RBFOX1: variants seen among roughly 807,000 people sequenced by gnomAD.
RBFOX1 encodes the protein RNA binding fox-1 homolog 1.
Under a neutral mutation model 57.7 loss-of-function variants are expected in RBFOX1, and 8 were observed. The ratio of observed to expected loss-of-function variants is 0.14; its 90% CI spans 0.08 to 0.25. The LOEUF (loss-of-function observed/expected upper bound fraction) is 0.25, where lower values mean the gene tolerates loss of function less well. Ranked by LOEUF, RBFOX1 falls within the 10% of genes least tolerant of loss-of-function variation. The pLI is 1.00. For synonymous variants in RBFOX1, 326 were observed against 222.4 expected, an observed-to-expected ratio of 1.47 and a Z score of -4.15; for missense variants, 611 against 548.5, an observed-to-expected ratio of 1.11 and a Z score of -1.14.
intron 2 of RBFOX1, among the ~76,000 whole-genome samples, chr16:6,427,714 G>A (rs894013937): frequency 3.9e-5 from 6 of 152,158 alleles, no homozygotes; most frequent in South Asian, 2.1e-4. Context: ...CTGCCATGAT[G>A]TGATATGATT....
chr16:5,241,614 C>G (rs1207788024), intron 1 of RBFOX1, among the ~76,000 whole-genome samples: 1 of 152,190 alleles, frequency 6.6e-6, no homozygotes, highest in Non-Finnish European at 1.5e-5. Context: ...TTACTGTCTT[C>G]AGTGGCAAAT....
At chr16:6,155,985 C>T (rs548594848) in intron 1 of RBFOX1, among the ~76,000 whole-genome samples, 9 of 152,244 alleles carry the variant, frequency 5.9e-5, no homozygotes, top group African/African-American at 9.6e-5. Context: ...CCCCACTCTT[C>T]GTGAGTTAGA....
At chr16:5,748,531 G>A (rs1410490251) in intron 3 of RBFOX1, among the ~76,000 whole-genome samples, 1 of 152,098 alleles carries the variant, frequency 6.6e-6, no homozygotes, top group East Asian at 1.9e-4. Context: ...AGGTCTCTAA[G>A]GACTTTCTTT....
intron 1 of RBFOX1, among the ~76,000 whole-genome samples, chr16:5,325,895 A>G (rs2064556406): frequency 6.6e-6 from 1 of 152,202 alleles, no homozygotes; most frequent in Admixed American, 6.5e-5. Context: ...ACATTCATGA[A>G]CAGGTTTTTG....
At chr16:7,491,411 C>T (rs1458678788) in intron 4 of RBFOX1, among the ~76,000 whole-genome samples, 1 of 150,820 alleles carries the variant, frequency 6.6e-6, no homozygotes, top group Admixed American at 6.7e-5. Context: ...GCTGTGACTC[C>T]ATTGTGAGCA....
intron 5 of RBFOX1, among the ~76,000 whole-genome samples, chr16:7,524,323 C>T (rs1033487418): frequency 6.6e-6 from 1 of 152,160 alleles, no homozygotes; most frequent in Non-Finnish European, 1.5e-5. Context: ...AAAAGACTTA[C>T]CAGGTCATCC....
intron 3 of RBFOX1, among the ~76,000 whole-genome samples, chr16:5,634,756 C>G (rs1257561186): frequency 1.3e-5 from 2 of 152,212 alleles, no homozygotes; most frequent in African/African-American, 2.4e-5. Context: ...TCTTTCATTT[C>G]TGGCTGACTT....
At chr16:6,984,954 C>A (rs549030132) in intron 3 of RBFOX1, among the ~76,000 whole-genome samples, 5 of 152,222 alleles carry the variant, frequency 3.3e-5, no homozygotes, top group African/African-American at 7.2e-5. Context: ...TCTTTACTTA[C>A]AAATCTACTG....
At chr16:5,542,049 T>C (rs868795889) in intron 2 of RBFOX1, among the ~76,000 whole-genome samples, 3 of 152,276 alleles carry the variant, frequency 2.0e-5, no homozygotes, top group Middle Eastern at 3.4e-3. Context: ...ACTGATTTTC[T>C]TTAAACTGGC....
intron 3 of RBFOX1, among the ~76,000 whole-genome samples, chr16:6,805,368 G>A (rs527426184): frequency 1.2e-4 from 18 of 152,278 alleles, no homozygotes; most frequent in African/African-American, 4.3e-4. Flanking sequence ...GAGGGGAACA[G>A]CAGACTTTGG....
chr16:6,042,348 C>T (rs1273059515), intron 1 of RBFOX1, among the ~76,000 whole-genome samples: 2 of 152,034 alleles, frequency 1.3e-5, no homozygotes, highest in African/African-American at 4.8e-5. Flanking sequence ...ATTTGTCCAC[C>T]TCGGTCTCCC....
intron 2 of RBFOX1, among the ~76,000 whole-genome samples, chr16:5,497,132 G>A (rs538319895): frequency 2.0e-5 from 3 of 152,242 alleles, no homozygotes; most frequent in Admixed American, 6.5e-5. Flanking sequence ...TTTTATAAAC[G>A]AAGTTTGAAT....
At chr16:5,757,676 A>T (rs1021551883) in intron 3 of RBFOX1, among the ~76,000 whole-genome samples, 12 of 152,146 alleles carry the variant, frequency 7.9e-5, no homozygotes, top group African/African-American at 2.9e-4. Context: ...AGATTGCCAC[A>T]TGCTTGTGAT....
At chr16:6,218,339 C>T (rs994613324) in intron 1 of RBFOX1, among the ~76,000 whole-genome samples, 10 of 152,032 alleles carry the variant, frequency 6.6e-5, no homozygotes, top group African/African-American at 2.4e-4. Context: ...GACACAGTCT[C>T]ACTCTATTGC....
At chr16:6,362,540 T>A (rs770938606) in intron 2 of RBFOX1, among the ~76,000 whole-genome samples, 8 of 152,220 alleles carry the variant, frequency 5.3e-5, no homozygotes, top group Non-Finnish European at 8.8e-5. Flanking sequence ...CATATGAAAT[T>A]AAGTTTACCT....
intron 1 of RBFOX1, among the ~76,000 whole-genome samples, chr16:6,295,190 C>G (rs566688887): frequency 9.7e-5 from 14 of 144,596 alleles, no homozygotes; most frequent in Non-Finnish European, 2.1e-4. Flanking sequence ...GTGGTGCGAT[C>G]TCAGCTTACT....
chr16:6,738,682 C>G (rs1041602799), intron 3 of RBFOX1, among the ~76,000 whole-genome samples: 1 of 152,172 alleles, frequency 6.6e-6, no homozygotes, highest in African/African-American at 2.4e-5. Context: ...GAGCAGAATA[C>G]ACATTCTTTT....
chr16:7,672,991 A>G (rs1280177214), intron 13 of RBFOX1, among the ~76,000 whole-genome samples: 1 of 151,880 alleles, frequency 6.6e-6, no homozygotes, highest in Non-Finnish European at 1.5e-5. Context: ...ATACCAGCAC[A>G]CCTGTTTTGC....
At chr16:6,745,653 A>G (rs1376532901) in intron 3 of RBFOX1, among the ~76,000 whole-genome samples, 2 of 152,210 alleles carry the variant, frequency 1.3e-5, no homozygotes, top group East Asian at 3.8e-4. Flanking sequence ...GGTCAATATG[A>G]TAAAAGGCAT....
Sources: gnomAD v4.1 joint callset for allele counts (sites outside exome capture counted in the v4.1 genomes callset) on GRCh38, gnomAD v4.1.1 for gene constraint, MANE v1.5 for transcripts, NCBI Gene and HGNC (gene_info 2026-07-23, HGNC 2026-07-21) for gene names.